Variants in IDO2 observed in about 807,000 individuals in gnomAD.
IDO2 encodes the protein indoleamine 2,3-dioxygenase 2.
Under a neutral mutation model 45.1 loss-of-function variants are expected in IDO2, and 46 were observed. The ratio of observed to expected loss-of-function variants is 1.02; its 90% confidence interval spans 0.80 to 1.30. The LOEUF is 1.30. IDO2 is among the 50% of genes most tolerant of loss of function. IDO2 has a pLI of 0.00. For synonymous variants in IDO2, 218 were observed against 184.9 expected, an observed-to-expected ratio of 1.18 and a Z score of -1.45; for missense variants, 544 against 491.8, an observed-to-expected ratio of 1.11 and a Z score of -1.00.
chr8:39,957,803 G>C (rs888993564), intron 2 of IDO2, among the ~76,000 whole-genome samples: 4 of 152,056 alleles, frequency 2.6e-5, no homozygotes, highest in African/African-American at 9.7e-5. Context: ...AAAATCATCT[G>C]CTTCAAATTC....
chr8:39,972,094 GC>G (rs1334655723), intron 3 of IDO2, among the ~76,000 whole-genome samples: 3 of 152,180 alleles, frequency 2.0e-5, no homozygotes, highest in Non-Finnish European at 2.9e-5. Flanking sequence ...ACAGGCGTGG[GC>G]CAACACCCCG....
exon 11 of IDO2, chr8:40,015,571 C>A: frequency 3.1e-6 from 5 of 1,613,240 alleles, no homozygotes; most frequent in East Asian, 2.2e-5. Context: ...AGGGATAAGA[C>A]CTTGGAGTCA....
intron 2 of IDO2, among the ~76,000 whole-genome samples, chr8:39,954,158 G>A (rs888125882): frequency 1.3e-5 from 2 of 152,198 alleles, no homozygotes; most frequent in Admixed American, 6.5e-5. Flanking sequence ...AAAGACCAGT[G>A]TAAAAACTCT....
chr8:39,936,416 T>C (rs1807552032), intron 1 of IDO2, among the ~76,000 whole-genome samples: 1 of 152,178 alleles, frequency 6.6e-6, no homozygotes, highest in Admixed American at 6.5e-5. Flanking sequence ...AACAATTCTC[T>C]GCAAACCCAC....
exon 11 of IDO2, chr8:40,015,379 A>G (rs750983808): frequency 6.8e-6 from 11 of 1,613,794 alleles, no homozygotes; most frequent in South Asian, 4.4e-5. Flanking sequence ...ACAGCTTATA[A>G]CCAGTGTGTG....
In IDO2 at chr8:39,971,034, G is replaced by C. The variant is rs190880301; in HGVS notation, c.195+7331G>C. On this transcript the variant is annotated intron_variant, in intron 3 of 10. Coordinates refer to ENST00000502986, the Ensembl canonical transcript of IDO2. ...CCCCCTTGGCCTCCCAAAGTGCTGG[G>C]ATTACAGGTGTGAGCCACTGCGCCC... Among the ~76,000 whole-genome samples, 456 of 152,282 alleles carry C rather than the reference G, an allele frequency of 3.0e-3. 2 individuals carry two copies. The highest frequency in any genetic ancestry group is 0.012 in the South Asian group (57 of 4,830).
intron 9 of IDO2, among the ~76,000 whole-genome samples, chr8:40,011,186 C>T (rs1012969347): frequency 1.3e-5 from 2 of 152,220 alleles, no homozygotes; most frequent in Non-Finnish European, 2.9e-5. Context: ...GCTGGGATTA[C>T]AGGCATGAGC....
intron 8 of IDO2, among the ~76,000 whole-genome samples, chr8:40,003,638 G>A (rs1363018104): frequency 2.0e-5 from 3 of 152,066 alleles, no homozygotes; most frequent in African/African-American, 7.2e-5. Context: ...ATTATCAGTA[G>A]ATTATATGTG....
At chr8:39,967,527 T>C (rs1971708) in intron 3 of IDO2, among the ~76,000 whole-genome samples, 112,590 of 152,112 alleles carry the variant, frequency 0.74, 42,707 homozygotes, top group African/African-American at 0.89. Context: ...TCACTCTTGT[T>C]GCCCAGGCTG....
At chr8:39,942,239 G>A (rs1254918504) in intron 1 of IDO2, among the ~76,000 whole-genome samples, 1 of 152,162 alleles carries the variant, frequency 6.6e-6, no homozygotes, top group African/African-American at 2.4e-5. Flanking sequence ...TAAACATTAT[G>A]GATTTCCTGC....
chr8:39,989,725 T>C, exon 8 of IDO2: 4 of 1,583,930 alleles, frequency 2.5e-6, no homozygotes, highest in South Asian at 2.3e-5. Context: ...CCCTAGGCTC[T>C]TGTTCAGGCC....
intron 8 of IDO2, among the ~76,000 whole-genome samples, chr8:39,999,816 T>C (rs901711956): frequency 6.6e-5 from 10 of 152,196 alleles, no homozygotes; most frequent in Admixed American, 6.5e-5. Context: ...GAAAGGTCAA[T>C]TGTAAGCTTT....
At chr8:39,975,950 T>C (rs1346104416) in intron 3 of IDO2, among the ~76,000 whole-genome samples, 1 of 152,222 alleles carries the variant, frequency 6.6e-6, no homozygotes, top group African/African-American at 2.4e-5. Flanking sequence ...AGTATAATTC[T>C]ATTATGTTAA....
intron 2 of IDO2, among the ~76,000 whole-genome samples, chr8:39,951,312 A>G (rs1305928364): frequency 2.2e-5 from 3 of 135,656 alleles, no homozygotes; most frequent in East Asian, 4.6e-4. Flanking sequence ...ATCTCTTTCT[A>G]TCGCCCAGGC....
intron 3 of IDO2, among the ~76,000 whole-genome samples, chr8:39,972,379 C>A (rs1264607559): frequency 6.6e-6 from 1 of 152,056 alleles, no homozygotes; most frequent in Non-Finnish European, 1.5e-5. Flanking sequence ...GAAGCCGAGG[C>A]AGGCGGATCA....
intron 4 of IDO2, among the ~76,000 whole-genome samples, chr8:39,982,122 T>C (rs1229679255): frequency 6.6e-6 from 1 of 152,046 alleles, no homozygotes; most frequent in African/African-American, 2.4e-5. Context: ...TATGAGTCGG[T>C]CAATCAATAA....
At chr8:39,966,517 C>T (rs1038164397) in intron 3 of IDO2, among the ~76,000 whole-genome samples, 2 of 152,272 alleles carry the variant, frequency 1.3e-5, no homozygotes. Context: ...ACAGATGGAG[C>T]TATAACAAAA....
intron 3 of IDO2, 68 bp from the exon 4 acceptor site, chr8:39,978,999 G>A (rs994078199): frequency 1.3e-6 from 2 of 1,496,274 alleles, no homozygotes; most frequent in African/African-American, 1.4e-5. Flanking sequence ...CCAGGTCCCC[G>A]GCCCCCGTTA....
chr8:39,989,881 T>C, intron 8 of IDO2, 43 bp downstream of exon 8: 1 of 1,377,960 alleles, frequency 7.3e-7, no homozygotes, highest in Non-Finnish European at 1.0e-6. Flanking sequence ...CCAGGGGTCC[T>C]GGGCTCTGCT....
Sources: gnomAD v4.1 joint callset for allele counts (sites outside exome capture counted in the v4.1 genomes callset) on GRCh38, gnomAD v4.1.1 for gene constraint, MANE v1.5 for transcripts, NCBI Gene and HGNC (gene_info 2026-07-23, HGNC 2026-07-21) for gene names.